Variants in SCAF11 observed in about 807,000 individuals in gnomAD.
SCAF11 encodes SR-related CTD associated factor 11, also known as protein SCAF11.
A neutral mutation model predicts 140.5 loss-of-function variants in SCAF11; 47 were observed. That is an observed-to-expected ratio of 0.33 (90% CI 0.26 to 0.43). The LOEUF (loss-of-function observed/expected upper bound fraction) is 0.43. Among genes scored for constraint, SCAF11 ranks in the 20% least tolerant of loss-of-function variants. The pLI is 1.00. For synonymous variants in SCAF11, 557 were observed against 579.4 expected (o/e 0.96, Z 0.55); for missense variants, 1,645 against 1,705.1 (o/e 0.96, Z 0.62).
At chr12:45,942,890 C>G (rs549462108) in intron 6 of SCAF11, among the ~76,000 whole-genome samples, 1 of 152,124 alleles carries the variant, frequency 6.6e-6, no homozygotes, top group East Asian at 1.9e-4. Flanking sequence ...TTGACAAGCA[C>G]TTTGTTGTTT....
intron 4 of SCAF11, among the ~76,000 whole-genome samples, 170 bp downstream of exon 4, chr12:45,951,480 G>T (rs1945548188): frequency 6.6e-6 from 1 of 152,126 alleles, no homozygotes; most frequent in African/African-American, 2.4e-5. Flanking sequence ...AAAAGGTTCA[G>T]AATTTAAGTA....
intron 1 of SCAF11, among the ~76,000 whole-genome samples, chr12:45,989,744 C>T (rs982052822): frequency 6.6e-6 from 1 of 152,312 alleles, no homozygotes; most frequent in Admixed American, 6.5e-5. Context: ...GTTTGAAGTT[C>T]AGATCAAGGA....
At chr12:45,963,721 A>G (rs757207107) in intron 2 of SCAF11, among the ~76,000 whole-genome samples, 12 of 152,206 alleles carry the variant, frequency 7.9e-5, no homozygotes, top group African/African-American at 2.4e-5. Flanking sequence ...TGAGATTAGG[A>G]TGATCAGAGT....
intron 10 of SCAF11, chr12:45,929,876 C>A (rs140891748): frequency 1.2e-4 from 18 of 152,248 alleles, no homozygotes; most frequent in African/African-American, 4.3e-4. Flanking sequence ...ATATAGTCGA[C>A]CCTTTAACAA....
chr12:45,967,887 C>T (rs1424298449), intron 1 of SCAF11, among the ~76,000 whole-genome samples: 2 of 152,182 alleles, frequency 1.3e-5, no homozygotes, highest in Non-Finnish European at 2.9e-5. Flanking sequence ...TCTGCCTGGA[C>T]TCCAGTTTTC....
Position 45,927,713 on chromosome 12 carries a change from G to A in SCAF11, c.1988C>T (p.Ser663Phe). ...ATTATTTTTTAGTAAGTTATTTTCAGAGTCTTGAATATTATTGAAATCTTC... is the reference window on the plus strand; with the variant it reads ...ATTATTTTTTAGTAAGTTATTTTCAAAGTCTTGAATATTATTGAAATCTTC... The part of the protein sequence containing the change: ...GNEDFNNIQD[S>F]ENNLLKNNLL... The change falls in exon 11 of 15, where the codon TCT becomes TTT. Residue 663 changes from serine (S) to phenylalanine (F), a missense_variant. By Grantham distance (155) the Ser-to-Phe change is radical. Coordinates refer to ENST00000369367, the MANE Select transcript of SCAF11 (RefSeq NM_004719.3). 6.2e-7 allele frequency: 1 copy of A among 1,612,000 alleles called. No homozygotes were observed. The highest frequency in any genetic ancestry group is 8.5e-7 in the Non-Finnish European group (1 of 1,179,266).
chr12:45,949,318 C>T (rs1048914694), intron 4 of SCAF11, among the ~76,000 whole-genome samples: 1 of 151,960 alleles, frequency 6.6e-6, no homozygotes, highest in Non-Finnish European at 1.5e-5. Context: ...ATAAAATAGA[C>T]ACAAGATTTC....
intron 3 of SCAF11, chr12:45,955,166 T>C (rs548617122): frequency 6.6e-6 from 1 of 152,216 alleles, no homozygotes; most frequent in South Asian, 2.1e-4. Flanking sequence ...TCAGCCATCA[T>C]AATTTTTTTT....
chr12:45,973,807 T>C (rs1946170228), intron 1 of SCAF11, among the ~76,000 whole-genome samples: 1 of 152,186 alleles, frequency 6.6e-6, no homozygotes, highest in Admixed American at 6.5e-5. Flanking sequence ...AGAAAAATGA[T>C]GAGAATTCTT....
rs1283776690 is a variant in SCAF11 at position 45,957,458 on chromosome 12, AT to A, written c.219+4241del. ...ATAACCTTCACCTATGTTGAACACTATTGTTTGACTTCTTCAAGAACTGCAT... is the reference window on the plus strand; with the variant it reads ...ATAACCTTCACCTATGTTGAACACTATGTTTGACTTCTTCAAGAACTGCAT... On this transcript the variant is annotated intron_variant, in intron 3 of 14. Coordinates refer to ENST00000369367, the MANE Select transcript of SCAF11 (RefSeq NM_004719.3). Among the ~76,000 whole-genome samples, 12 of 152,240 alleles carry A rather than the reference AT, an allele frequency of 7.9e-5. No homozygotes were observed. The East Asian group carries it at 2.1e-3, about 27-fold the overall frequency.
chr12:45,972,873 T>G (rs11183258), intron 1 of SCAF11, among the ~76,000 whole-genome samples: 2 of 44,906 alleles, frequency 4.5e-5, no homozygotes, highest in South Asian at 1.2e-3. Context: ...TCGATATATA[T>G]ATATATAGAT....
chr12:45,929,050 CTGAAA>C lies in SCAF11; in HGVS notation c.842-196_842-192del. 5 of 362,640 alleles carry C rather than the reference CTGAAA, an allele frequency of 1.4e-5. No homozygotes were observed. In the South Asian group the frequency reaches 5.1e-4, roughly 37 times the overall value. 22.5% of individuals were successfully genotyped at this position (362,640 alleles called of 1,614,324 possible). A position where few individuals can be genotyped will look rare whatever the true frequency, so the allele number is the denominator to read the frequency against. ...TTATTCATCAACTTTCTTAATGACA[CTGAAA>C]TAAGTTATAACTAGATTTGGTCCAA... On this transcript the variant is annotated intron_variant, in intron 10 of 14. Transcript: ENST00000369367.
At chr12:45,952,652 T>C (rs1189105527) in intron 3 of SCAF11, among the ~76,000 whole-genome samples, 4 of 152,208 alleles carry the variant, frequency 2.6e-5, no homozygotes, top group Non-Finnish European at 4.4e-5. Context: ...AGAGTTTCTC[T>C]GATAAAACTA....
chr12:45,926,469 G>T lies in SCAF11; in HGVS notation c.3232C>A (p.Arg1078Ser). ...VSNRGRGRGN[R>S]GRGTYRSSFA... ...CTACTTCTGTAAGTGCCTCTGCCAC[G>T]GTTGCCTCTGCCTCTACCACGGTTA... is the stretch of plus-strand genomic sequence containing the variant. The change falls in exon 11 of 15, where the codon CGT becomes AGT. Residue 1078 changes from arginine to serine, a missense_variant. Around this residue, in one of 2 missense-constraint regions of SCAF11, gnomAD observed 1,582 missense variants for 1,609.2 expected, o/e 0.98. Coordinates refer to ENST00000369367, the MANE Select transcript of SCAF11 (RefSeq NM_004719.3). The T allele has an allele frequency of 6.2e-7, 1 of 1,614,096 alleles. No homozygotes were observed. The highest frequency in any genetic ancestry group is 1.1e-5 in the South Asian group (1 of 91,066).
chr12:45,961,829 G>A lies in SCAF11; in HGVS notation c.90C>T (p.Ser30=), dbSNP rs370201774. ...CAGCCTCACTGTACAACAGACCAGTGGAAATAGTATTATCTCCGTTTTCTT... is the reference window on the plus strand; with the variant it reads ...CAGCCTCACTGTACAACAGACCAGTAGAAATAGTATTATCTCCGTTTTCTT... The part of the protein sequence containing the change: ...EGEENGDNTI[S]TGLLYSEADR... The change falls in exon 3 of 15, where the codon TCC becomes TCT. Residue 30 remains serine (S), a synonymous_variant. Coordinates refer to ENST00000369367, the MANE Select transcript of SCAF11 (RefSeq NM_004719.3). 35 of 1,606,768 alleles carry A rather than the reference G, an allele frequency of 2.2e-5. No individual in the cohort carries two copies. The African/African-American group carries it at 4.2e-4, about 19-fold the overall frequency.
At chr12:45,971,707 CT>C (rs201741705) in intron 1 of SCAF11, among the ~76,000 whole-genome samples, 2 of 151,020 alleles carry the variant, frequency 1.3e-5, no homozygotes, top group Non-Finnish European at 1.5e-5. Flanking sequence ...GAAACTGCTC[CT>C]TTTTTTTTGT....
intron 1 of SCAF11, among the ~76,000 whole-genome samples, chr12:45,972,061 C>T (rs1486532189): frequency 2.6e-5 from 4 of 152,008 alleles, no homozygotes; most frequent in Non-Finnish European, 2.9e-5. Flanking sequence ...CCAAGCTGAA[C>T]GTATGTGGAT....
Position 45,926,279 on chromosome 12 carries a change from C to T in SCAF11, c.3422G>A (p.Gly1141Glu). The change falls in exon 11 of 15, where the codon GGA becomes GAA. Residue 1141 changes from glycine to glutamate, a missense_variant. Transcript: ENST00000369367. ...GGCCCAGCTGGATGCAGATGTCCAT[C>T]CAGATCTATCTGCTGGTGTATCAAA... Reference protein sequence around the residue: ...FSFDTPADRSGWTSASSWAVR... With the variant: ...FSFDTPADRSEWTSASSWAVR... 1.2e-6 allele frequency: 2 copies of T among 1,614,128 alleles called. No homozygotes were observed. Among genetic ancestry groups the T allele is most frequent in the Non-Finnish European group, 1.7e-6 (2 of 1,180,018 alleles).
At chr12:45,989,848 T>C (rs1012569665) in intron 1 of SCAF11, among the ~76,000 whole-genome samples, 3 of 152,186 alleles carry the variant, frequency 2.0e-5, no homozygotes, top group African/African-American at 7.2e-5. Flanking sequence ...CTAGCGGGCT[T>C]GGACGCTCGC....
Sources: allele counts gnomAD v4.1 joint callset (sites outside exome capture counted in the v4.1 genomes callset), GRCh38; gene constraint gnomAD v4.1.1; regional missense constraint gnomAD v4.1.1; transcripts MANE v1.5; gene names NCBI Gene and HGNC (gene_info 2026-07-23, HGNC 2026-07-21).